ANKRD50: variants seen among roughly 807,000 people sequenced by gnomAD.
ANKRD50 encodes ankyrin repeat domain-containing protein 50.
In ANKRD50, 40 loss-of-function variants were observed where a neutral mutation model predicts 112.0. That is an observed-to-expected ratio of 0.36 (90% CI 0.28 to 0.46). ANKRD50 has a LOEUF of 0.46. Among genes scored for constraint, ANKRD50 ranks in the 20% least tolerant of loss-of-function variants. The pLI, the probability that ANKRD50 is intolerant of heterozygous loss-of-function variation, is 1.00. For missense variants in ANKRD50, 1,487 were observed against 1,701.7 expected (o/e 0.87, Z 2.22); for synonymous variants, 613 against 619.1 (o/e 0.99, Z 0.15).
chr4:124,702,802 T>C (rs1320334473), intron 2 of ANKRD50, among the ~76,000 whole-genome samples: 2 of 152,204 alleles, frequency 1.3e-5, no homozygotes, highest in African/African-American at 4.8e-5. Context: ...AGTGTTCTGC[T>C]TGGCTCAATA....
In ANKRD50 at chr4:124,669,802, G is replaced by A. The variant is rs1730588647; in HGVS notation, c.3475C>T (p.His1159Tyr). The A allele has an allele frequency of 1.1e-5, 17 of 1,613,192 alleles. No individual in the cohort carries two copies. Among genetic ancestry groups the A allele is most frequent in the Non-Finnish European group, 1.4e-5 (16 of 1,179,726 alleles). Residue 1159 changes from histidine (H) to tyrosine (Y), a missense_variant, in exon 4 of 5, where the codon CAT becomes TAT. Around this residue, in one of 2 missense-constraint regions of ANKRD50, gnomAD observed 441 missense variants for 432.2 expected, o/e 1.02. Coordinates refer to ENST00000504087, the MANE Select transcript of ANKRD50 (RefSeq NM_020337.3). ...GATTCTGAAGGAGAACTAAAAGCAT[G>A]AGTAGGCCCATTAGGTAAACCACGT... is the stretch of plus-strand genomic sequence containing the variant. The part of the protein sequence containing the change: ...SLRGLPNGPT[H>Y]AFSSPSESPD...
chr4:124,674,913 T>C (rs887448669), intron 3 of ANKRD50, among the ~76,000 whole-genome samples: 1 of 151,854 alleles, frequency 6.6e-6, no homozygotes, highest in African/African-American at 2.4e-5. Flanking sequence ...ACAACTTAAA[T>C]ATCTTGAGTT....
At chr4:124,709,949 TA>T in intron 2 of ANKRD50, 50 bp downstream of exon 2, 1 of 1,546,670 alleles carries the variant, frequency 6.5e-7, no homozygotes, top group Non-Finnish European at 8.7e-7. Flanking sequence ...AACTAAAAAT[TA>T]ATTTAATTTC....
intron 2 of ANKRD50, among the ~76,000 whole-genome samples, chr4:124,700,272 T>C (rs915851935): frequency 6.6e-6 from 1 of 152,204 alleles, no homozygotes; most frequent in Admixed American, 6.5e-5. Flanking sequence ...AATAAAGTAG[T>C]ACAGGATAAG....
chr4:124,710,712 T>C lies in ANKRD50; in HGVS notation c.-201A>G. On this transcript the variant is annotated 5_prime_UTR_variant, in exon 2 of 5. It adds an upstream start codon to the 5' untranslated region. Transcript: ENST00000504087. Reference sequence around the variant, plus strand: ...CCTTATTCTTGATCAGCAGTCTATGTATTAGTTGTTGAACTGAGGGAGAAA... The same window carrying C: ...CCTTATTCTTGATCAGCAGTCTATGCATTAGTTGTTGAACTGAGGGAGAAA... The C allele has an allele frequency of 1.6e-6, 1 of 635,860 alleles. No homozygotes were observed. The highest frequency in any genetic ancestry group is 4.3e-4 in the Middle Eastern group (1 of 2,338). The allele number at this position is 635,860 out of a possible 1,614,324, so 39.4% of individuals were successfully genotyped here. A position where few individuals can be genotyped will look rare whatever the true frequency, so the allele number is the denominator to read the frequency against.
intron 2 of ANKRD50, among the ~76,000 whole-genome samples, chr4:124,688,688 T>C (rs1725062402): frequency 6.6e-6 from 1 of 152,192 alleles, no homozygotes; most frequent in Admixed American, 6.5e-5. Flanking sequence ...GTTGGTATTC[T>C]GAGGTTCTTC....
At chr4:124,672,798 G>A (rs538681026) in intron 3 of ANKRD50, among the ~76,000 whole-genome samples, 32 of 152,066 alleles carry the variant, frequency 2.1e-4, no homozygotes, top group Middle Eastern at 3.4e-3. Context: ...CAACTCCATT[G>A]TAATAGATAC....
At chr4:124,688,256 G>C (rs1370496841) in intron 2 of ANKRD50, among the ~76,000 whole-genome samples, 1 of 152,132 alleles carries the variant, frequency 6.6e-6, no homozygotes, top group East Asian at 1.9e-4. Flanking sequence ...AAGTTAAAGA[G>C]CCCAGTTCCA....
Position 124,664,839 on chromosome 4 carries a change from C to T in ANKRD50, c.*2679G>A, listed in dbSNP as rs1730451835. 1 of 151,918 alleles carries T rather than the reference C, an allele frequency of 6.6e-6. No individual in the cohort carries two copies. The highest frequency in any genetic ancestry group is 6.6e-5 in the Admixed American group (1 of 15,250). 9.4% of individuals were successfully genotyped at this position (151,918 alleles called of 1,614,324 possible). A position where few individuals can be genotyped will look rare whatever the true frequency, so the allele number is the denominator to read the frequency against. Reference sequence around the variant, plus strand: ...ATTATTGGCTGTACTTTGCAGTACGCACTGATTTCAGGTCATTTTTCCTTC... The same window carrying T: ...ATTATTGGCTGTACTTTGCAGTACGTACTGATTTCAGGTCATTTTTCCTTC... On this transcript the variant is annotated 3_prime_UTR_variant, in exon 5 of 5. Coordinates refer to ENST00000504087, the MANE Select transcript of ANKRD50 (RefSeq NM_020337.3).
Position 124,710,785 on chromosome 4 carries a change from C to A in ANKRD50, c.-274G>T. The A allele has an allele frequency of 2.0e-6, 1 of 497,904 alleles. No homozygotes were observed. Among genetic ancestry groups the A allele is most frequent in the South Asian group, 4.2e-5 (1 of 23,692 alleles). 30.8% of individuals were successfully genotyped at this position (497,904 alleles called of 1,614,324 possible). Reference sequence around the variant, plus strand: ...ACACTTTTCCTAAATTTTAATGAGTCACATAACTCCATGGTTATAACTGGA... The same window carrying A: ...ACACTTTTCCTAAATTTTAATGAGTAACATAACTCCATGGTTATAACTGGA... On this transcript the variant is annotated 5_prime_UTR_variant, in exon 2 of 5. The change abolishes the stop of an existing upstream ORF in the 5' untranslated region. Transcript: ENST00000504087.
intron 2 of ANKRD50, among the ~76,000 whole-genome samples, chr4:124,688,828 T>C (rs1309644069): frequency 1.3e-5 from 2 of 152,194 alleles, no homozygotes; most frequent in Non-Finnish European, 2.9e-5. Flanking sequence ...TGGCGCCTTA[T>C]CAATTTCTCT....
Position 124,667,272 on chromosome 4 carries a change from A to T in ANKRD50, c.*246T>A, listed in dbSNP as rs1165311369. On this transcript the variant is annotated 3_prime_UTR_variant, in exon 5 of 5. Coordinates refer to ENST00000504087, the MANE Select transcript of ANKRD50 (RefSeq NM_020337.3). Reference sequence around the variant, plus strand: ...AACTGCAGTATGTATCTGCATTTTTAAAAAGTGCTTATTCCTGTGTAGTGA... The same window carrying T: ...AACTGCAGTATGTATCTGCATTTTTTAAAAGTGCTTATTCCTGTGTAGTGA... 6.6e-6 allele frequency: 1 copy of T among 152,070 alleles called. No individual in the cohort carries two copies. The highest frequency in any genetic ancestry group is 1.5e-5 in the Non-Finnish European group (1 of 67,958). The allele number at this position is 152,070 out of a possible 1,614,324, so 9.4% of individuals were successfully genotyped here.
chr4:124,692,752 G>A (rs1220921098), intron 2 of ANKRD50, among the ~76,000 whole-genome samples: 1 of 152,134 alleles, frequency 6.6e-6, no homozygotes, highest in East Asian at 1.9e-4. Flanking sequence ...CTTCAAACCT[G>A]CCCATATCTT....
At chr4:124,672,622 A>C in intron 3 of ANKRD50, 88 bp from the exon 4 acceptor site, 3 of 875,792 alleles carry the variant, frequency 3.4e-6, no homozygotes, top group South Asian at 3.8e-5. Flanking sequence ...ACATATAATA[A>C]ATAAATCAAT....
At chr4:124,706,382 A>T (rs747221090) in intron 2 of ANKRD50, among the ~76,000 whole-genome samples, 3 of 152,120 alleles carry the variant, frequency 2.0e-5, no homozygotes, top group Non-Finnish European at 2.9e-5. Flanking sequence ...GCAATGTTTC[A>T]CTAGATTAAG....
intron 2 of ANKRD50, among the ~76,000 whole-genome samples, chr4:124,680,748 T>C (rs1724867475): frequency 6.6e-6 from 1 of 151,680 alleles, no homozygotes; most frequent in Non-Finnish European, 1.5e-5. Flanking sequence ...ACAGGGGAAG[T>C]GTGGGGGAGA....
intron 2 of ANKRD50, among the ~76,000 whole-genome samples, chr4:124,693,614 T>C (rs1271033552): frequency 6.6e-6 from 1 of 152,146 alleles, no homozygotes; most frequent in East Asian, 1.9e-4. Context: ...TAAACAAAAA[T>C]ATCCTCCAAT....
chr4:124,703,383 C>T (rs1695900270), intron 2 of ANKRD50, among the ~76,000 whole-genome samples: 1 of 152,068 alleles, frequency 6.6e-6, no homozygotes, highest in African/African-American at 2.4e-5. Context: ...GGAAGCAGCG[C>T]TTGCACATAC....
intron 2 of ANKRD50, among the ~76,000 whole-genome samples, chr4:124,707,538 AAG>A (rs1333256806): frequency 1.3e-5 from 2 of 152,130 alleles, no homozygotes; most frequent in Non-Finnish European, 2.9e-5. Context: ...AATGATCAAA[AAG>A]AGTGTTTCAA....
Sources: allele counts gnomAD v4.1 joint callset (sites outside exome capture counted in the v4.1 genomes callset), GRCh38; gene constraint gnomAD v4.1.1; regional missense constraint gnomAD v4.1.1; transcripts MANE v1.5; gene names NCBI Gene and HGNC (gene_info 2026-07-23, HGNC 2026-07-21).